Variants in GNAQ observed in about 807,000 individuals in gnomAD.
GNAQ encodes guanine nucleotide-binding protein G(q) subunit alpha.
In GNAQ, 8 loss-of-function variants were observed where a neutral mutation model predicts 43.9. The observed-to-expected ratio is 0.18, with a 90% CI of 0.11 to 0.33. The LOEUF is 0.33. Among genes scored for constraint, GNAQ ranks in the 10% least tolerant of loss-of-function variants. GNAQ has a pLI of 1.00. For missense variants in GNAQ, 158 were observed against 450.8 expected (o/e 0.35, Z 5.88); for synonymous variants, 155 against 170.7 (o/e 0.91, Z 0.71).
intron 2 of GNAQ, among the ~76,000 whole-genome samples, chr9:77,844,704 C>T (rs949209545): frequency 6.6e-6 from 1 of 151,984 alleles, no homozygotes; most frequent in African/African-American, 2.4e-5. Context: ...TGGAGTTTCG[C>T]TCTTGTCACT....
At chr9:77,970,312 C>T (rs1587437958) in intron 1 of GNAQ, among the ~76,000 whole-genome samples, 2 of 152,264 alleles carry the variant, frequency 1.3e-5, no homozygotes, top group South Asian at 4.1e-4. Context: ...TGCTCAGTTC[C>T]ACATTGCAAA....
At chr9:77,948,699 G>A (rs574081726) in intron 1 of GNAQ, among the ~76,000 whole-genome samples, 43 of 152,262 alleles carry the variant, frequency 2.8e-4, no homozygotes, top group Middle Eastern at 6.8e-3. Flanking sequence ...AACCCTGTGA[G>A]GTAAATTTTA....
rs538929499 is a variant in GNAQ, at chr9:77,994,763, T to C, written c.136+36337A>G. 7.2e-5 allele frequency among the ~76,000 whole-genome samples: 11 copies of C among 152,298 alleles called. No individual in the cohort carries two copies. In the South Asian group the frequency reaches 2.3e-3, roughly 32 times the overall value. On this transcript the variant is annotated intron_variant, in intron 1 of 6. Coordinates refer to ENST00000286548, the MANE Select transcript of GNAQ (RefSeq NM_002072.5). ...GCCCCGTTAAAAGTAATTAGTTACC[T>C]CCTATAAAGCCTAAACCTCTACTTG...
At chr9:77,886,386 TAAA>T (rs11371901) in intron 2 of GNAQ, among the ~76,000 whole-genome samples, 1 of 140,336 alleles carries the variant, frequency 7.1e-6, no homozygotes. Context: ...GCTATGCTCT[TAAA>T]AAAAAAAAAA....
Position 77,993,236 on chromosome 9 carries a change from C to T in GNAQ, c.136+37864G>A, listed in dbSNP as rs189670697. On this transcript the variant is annotated intron_variant, in intron 1 of 6. Transcript: ENST00000286548. Reference sequence around the variant, plus strand: ...TAATGGAGAAATATGCTTTGGTATTCAATTTTTTAATTAGCTGTCAGAAAA... The same window carrying T: ...TAATGGAGAAATATGCTTTGGTATTTAATTTTTTAATTAGCTGTCAGAAAA... Among the ~76,000 whole-genome samples the T allele has an allele frequency of 7.2e-5, 11 of 152,092 alleles. No individual in the cohort carries two copies. In the East Asian group the frequency reaches 1.2e-3, roughly 16 times the overall value.
At chr9:77,905,854 C>T (rs1210721501) in intron 2 of GNAQ, among the ~76,000 whole-genome samples, 2 of 152,176 alleles carry the variant, frequency 1.3e-5, no homozygotes, top group Non-Finnish European at 2.9e-5. Flanking sequence ...ACCGCATGTT[C>T]TCTCTCATAA....
At chr9:77,902,380 T>C (rs150767823) in intron 2 of GNAQ, among the ~76,000 whole-genome samples, 138 of 152,350 alleles carry the variant, frequency 9.1e-4, no homozygotes, top group African/African-American at 3.2e-3. Flanking sequence ...ATGATTACTT[T>C]GGCAATTAGC....
intron 2 of GNAQ, among the ~76,000 whole-genome samples, chr9:77,829,293 T>C (rs1827258997): frequency 6.6e-6 from 1 of 152,164 alleles, no homozygotes; most frequent in Non-Finnish European, 1.5e-5. Flanking sequence ...TTCCCACCAA[T>C]GCTATCAATA....
chr9:77,999,969 C>T (rs1823623475), intron 1 of GNAQ, among the ~76,000 whole-genome samples: 2 of 152,124 alleles, frequency 1.3e-5, no homozygotes, highest in South Asian at 2.1e-4. Context: ...AATTTCTCAT[C>T]AGTTTTAGAT....
intron 2 of GNAQ, among the ~76,000 whole-genome samples, chr9:77,882,554 G>A (rs1828231738): frequency 6.6e-6 from 1 of 152,194 alleles, no homozygotes; most frequent in Non-Finnish European, 1.5e-5. Context: ...TATGCGAGCT[G>A]TTTAAAGATA....
intron 1 of GNAQ, among the ~76,000 whole-genome samples, chr9:77,987,061 T>C (rs951563570): frequency 6.6e-6 from 1 of 152,222 alleles, no homozygotes; most frequent in Non-Finnish European, 1.5e-5. Context: ...CTACCCTCAC[T>C]ACATGCATCT....
intron 1 of GNAQ, among the ~76,000 whole-genome samples, chr9:77,952,834 C>T (rs1822998943): frequency 6.6e-6 from 1 of 152,122 alleles, no homozygotes; most frequent in South Asian, 2.1e-4. Context: ...AGGTTTCATG[C>T]TAGTGACTCA....
intron 2 of GNAQ, among the ~76,000 whole-genome samples, chr9:77,860,421 TTC>T (rs1407864954): frequency 2.0e-5 from 3 of 152,154 alleles, no homozygotes; most frequent in African/African-American, 7.2e-5. Flanking sequence ...CCAGGGGGTA[TTC>T]TGTTGCTATA....
chr9:77,806,371 CTG>C (rs1467134889), intron 3 of GNAQ, among the ~76,000 whole-genome samples: 8 of 152,174 alleles, frequency 5.3e-5, no homozygotes, highest in African/African-American at 1.9e-4. Flanking sequence ...TATTGGGAAT[CTG>C]TTATACATTA....
intron 5 of GNAQ, among the ~76,000 whole-genome samples, chr9:77,789,167 G>T (rs1826528534): frequency 6.6e-6 from 1 of 152,046 alleles, no homozygotes; most frequent in Non-Finnish European, 1.5e-5. Context: ...CTTTCATCCA[G>T]ATTTTTCATG....
intron 1 of GNAQ, among the ~76,000 whole-genome samples, chr9:78,021,622 C>T (rs1247464012): frequency 2.0e-5 from 3 of 152,232 alleles, no homozygotes; most frequent in Admixed American, 1.3e-4. Flanking sequence ...ATAAAGCAGC[C>T]CCCTAGATGT....
intron 1 of GNAQ, among the ~76,000 whole-genome samples, chr9:77,968,989 G>A (rs1013102273): frequency 3.9e-5 from 6 of 152,192 alleles, no homozygotes; most frequent in African/African-American, 1.4e-4. Flanking sequence ...GTGTGATGGC[G>A]GAGCCAAGAG....
intron 1 of GNAQ, among the ~76,000 whole-genome samples, chr9:77,939,247 ACT>A (rs948702007): frequency 1.1e-4 from 17 of 152,066 alleles, no homozygotes; most frequent in African/African-American, 4.1e-4. Context: ...TGGCCATGAA[ACT>A]CTACCTCAGA....
Position 77,810,218 on chromosome 9 carries a change from C to T in GNAQ, c.476+5398G>A, listed in dbSNP as rs570433202. On this transcript the variant is annotated intron_variant, in intron 3 of 6. Transcript: ENST00000286548. Reference sequence around the variant, plus strand: ...TAAAAACTGTCAATCATCTATCTATCTATCTATCTATCTATCTATCTATCT... The same window carrying T: ...TAAAAACTGTCAATCATCTATCTATTTATCTATCTATCTATCTATCTATCT... 2.3e-4 allele frequency among the ~76,000 whole-genome samples: 19 copies of T among 82,474 alleles called. No homozygotes were observed. In the Admixed American group the frequency reaches 2.9e-3, roughly 12 times the overall value. 54.1% of individuals were successfully genotyped at this position (82,474 alleles called of 152,430 possible).
Sources: gnomAD v4.1 joint callset for allele counts (sites outside exome capture counted in the v4.1 genomes callset) on GRCh38, gnomAD v4.1.1 for gene constraint, MANE v1.5 for transcripts, NCBI Gene and HGNC (gene_info 2026-07-23, HGNC 2026-07-21) for gene names.